The following HNF4A variants were observed in gnomAD, a reference collection of about 807,000 sequenced individuals.
The protein encoded by HNF4A is hepatocyte nuclear factor 4 alpha.
A neutral mutation model predicts 52.4 loss-of-function variants in HNF4A; 15 were observed. That is an observed-to-expected ratio of 0.29 (90% confidence interval 0.19 to 0.44). The LOEUF (loss-of-function observed/expected upper bound fraction) is 0.44, where lower values mean the gene tolerates loss of function less well. Ranked by LOEUF, HNF4A falls within the 20% of genes least tolerant of loss-of-function variation. HNF4A has a pLI of 1.00. For missense variants in HNF4A, 479 were observed against 647.2 expected (o/e 0.74, Z 2.82); for synonymous variants, 280 against 264.4 (o/e 1.06, Z -0.57).
intron 1 of HNF4A, chr20:44,402,407 C>A (rs2063422492): frequency 2.7e-6 from 1 of 371,332 alleles, no homozygotes; most frequent in African/African-American, 2.1e-5. Flanking sequence ...TTTGTACCTG[C>A]TGTGTATATA....
In HNF4A at chr20:44,424,470, ACTGTT is replaced by A. The variant is rs1021080022; in HGVS notation, c.1129+219_1129+223del. The A allele has an allele frequency of 4.2e-5, 42 of 994,784 alleles. No individual in the cohort carries two copies. The African/African-American group carries it at 6.5e-4, about 16-fold the overall frequency. 61.6% of individuals were successfully genotyped at this position (994,784 alleles called of 1,614,324 possible). A position where few individuals can be genotyped will look rare whatever the true frequency, so the allele number is the denominator to read the frequency against. On this transcript the variant is annotated intron_variant, in intron 8 of 9. Transcript: ENST00000316099. ...ACCGAGAACCTAGCACGTGCCAGTCACTGTTCTAAGTGCTGGCAATTCAGCAAAGA... is the reference window on the plus strand; with the variant it reads ...ACCGAGAACCTAGCACGTGCCAGTCACTAAGTGCTGGCAATTCAGCAAAGA...
chr20:44,393,184 G>A (rs147869408), intron 1 of HNF4A, among the ~76,000 whole-genome samples: 123 of 152,338 alleles, frequency 8.1e-4, no homozygotes, highest in African/African-American at 2.9e-3. Context: ...CGGGAAGGCC[G>A]CATCTAATTC....
rs553378830 is a variant in HNF4A at position 44,363,303 on chromosome 20, A to G, written c.49+7450A>G. ...CATAGAAAGTGCTATGTGAATTTGA[A>G]CGATTATTATTATTATACCTATAGT... On this transcript the variant is annotated intron_variant, in intron 1 of 9. Transcript: ENST00000316673. 4.6e-5 allele frequency among the ~76,000 whole-genome samples: 7 copies of G among 152,264 alleles called. No individual in the cohort carries two copies. In the East Asian group the frequency reaches 1.4e-3, roughly 29 times the overall value.
intron 1 of HNF4A, chr20:44,391,517 CCGTAT>C (rs778335346): frequency 2.0e-5 from 3 of 152,310 alleles, no homozygotes; most frequent in Non-Finnish European, 2.9e-5. Flanking sequence ...TCATGGAAGG[CCGTAT>C]CGGTGCAGGG....
rs6093976 is a variant in HNF4A at position 44,407,140 on chromosome 20, C to T, written c.291-241C>T. Among the ~76,000 whole-genome samples the T allele has an allele frequency of 0.13, 19,693 of 152,202 alleles. 1,641 individuals are homozygous for T. Among genetic ancestry groups the T allele is most frequent in the Middle Eastern group, 0.26 (76 of 294 alleles). ...TCAGCTCTAACACCAACCAGCAGAG[C>T]GACCCAGGACCACATGTTGCCTCTC... On this transcript the variant is annotated intron_variant, in intron 2 of 9. Transcript: ENST00000316099.
At chr20:44,426,420 G>C (rs1006402816) in intron 8 of HNF4A, among the ~76,000 whole-genome samples, 10 of 152,104 alleles carry the variant, frequency 6.6e-5, no homozygotes, top group Non-Finnish European at 1.2e-4. Flanking sequence ...GAAATGGTTT[G>C]ACTATGAAGG....
Position 44,426,950 on chromosome 20 carries a change from T to C in HNF4A, c.1130-1385T>C, listed in dbSNP as rs144666781. On this transcript the variant is annotated intron_variant, in intron 8 of 9. Coordinates refer to ENST00000316099, the MANE Select transcript of HNF4A (RefSeq NM_000457.6). ...ATGAGGTGAAGTCAAAGTGGGGATG[T>C]TGAATTCGAGATTTTGGAGGTGTTT... Among the ~76,000 whole-genome samples the C allele has an allele frequency of 2.2e-4, 33 of 152,330 alleles. No individual in the cohort carries two copies. In the East Asian group the frequency reaches 6.2e-3, roughly 28 times the overall value.
chr20:44,429,458 T>A, intron 9 of HNF4A, 65 bp from the exon 10 acceptor site: 1 of 1,605,786 alleles, frequency 6.2e-7, no homozygotes, highest in Non-Finnish European at 8.5e-7. Flanking sequence ...TTCCCGGGCC[T>A]CTTCATTTAC....
At chr20:44,391,467 C>G (rs2063301339) in intron 1 of HNF4A, 1 of 152,472 alleles carries the variant, frequency 6.6e-6, no homozygotes. Flanking sequence ...GCCTGCATGG[C>G]AGAGATGTAA....
chr20:44,371,117 C>G (rs1305254596), intron 1 of HNF4A, among the ~76,000 whole-genome samples: 1 of 152,200 alleles, frequency 6.6e-6, no homozygotes, highest in Non-Finnish European at 1.5e-5. Flanking sequence ...CCAGGCAAAC[C>G]CAGCTGCCTG....
chr20:44,390,808 A>G (rs2063293742), intron 1 of HNF4A: 1 of 622,948 alleles, frequency 1.6e-6, no homozygotes, highest in Middle Eastern at 2.7e-4. Context: ...CTAACCCAGG[A>G]ACGTCCATGG....
intron 1 of HNF4A, among the ~76,000 whole-genome samples, chr20:44,369,795 C>T (rs2063012989): frequency 6.6e-6 from 1 of 151,954 alleles, no homozygotes; most frequent in African/African-American, 2.4e-5. Context: ...TCACCATGCC[C>T]AGCAATTTTT....
At chr20:44,373,582 C>T (rs548394457) in intron 1 of HNF4A, among the ~76,000 whole-genome samples, 9 of 152,182 alleles carry the variant, frequency 5.9e-5, no homozygotes, top group Non-Finnish European at 1.0e-4. Flanking sequence ...GAAATAAAAC[C>T]AAACCCCTAA....
chr20:44,399,459 A>G (rs1032995596), upstream of HNF4A, among the ~76,000 whole-genome samples: 3 of 152,102 alleles, frequency 2.0e-5, no homozygotes, highest in African/African-American at 7.2e-5. Flanking sequence ...CCTACAGGCA[A>G]TAGCACTCCC....
chr20:44,391,809 T>C (rs558846497), intron 1 of HNF4A, among the ~76,000 whole-genome samples: 237 of 152,312 alleles, frequency 1.6e-3, no homozygotes, highest in African/African-American at 5.2e-3. Flanking sequence ...CCTTGGCAGA[T>C]ACATCTGTAA....
Position 44,428,330 on chromosome 20 carries a change from T to C in HNF4A, c.1130-5T>C. On this transcript the variant is annotated splice_polypyrimidine_tract_variant and splice_region_variant and intron_variant, in intron 8 of 9. Transcript: ENST00000316099. ...TCCATCCTGATCGACCTTCTCTACC[T>C]GCAGGGTCCCCCAGCGATGCACCCC... 1 of 1,613,974 alleles carries C rather than the reference T, an allele frequency of 6.2e-7. No homozygotes were observed. Among genetic ancestry groups the C allele is most frequent in the South Asian group, 1.1e-5 (1 of 91,078 alleles).
chr20:44,385,059 C>CTTTTTTTTTTTTTTT lies in HNF4A; in HGVS notation c.50-20985_50-20971dup, dbSNP rs775721024. Among the ~76,000 whole-genome samples the CTTTTTTTTTTTTTTT allele has an allele frequency of 6.8e-3, 238 of 34,976 alleles. 61 individuals are homozygous for CTTTTTTTTTTTTTTT. Among genetic ancestry groups the CTTTTTTTTTTTTTTT allele is most frequent in the African/African-American group, 0.018 (137 of 7,648 alleles). 22.9% of individuals were successfully genotyped at this position (34,976 alleles called of 152,430 possible). A position where few individuals can be genotyped will look rare whatever the true frequency, so the allele number is the denominator to read the frequency against. Reference sequence around the variant, plus strand: ...AGTGGTTTCAGCTGAACTCTGTGATCTTTTTTTTTTTTTTTTTTTTTTTTT... The same window carrying CTTTTTTTTTTTTTTT: ...AGTGGTTTCAGCTGAACTCTGTGATCTTTTTTTTTTTTTTTTTTTTTTTTTTTTTTTTTTTTTTTT... On this transcript the variant is annotated intron_variant, in intron 1 of 9. Transcript: ENST00000316673.
In HNF4A at chr20:44,429,635, G is replaced by A. The variant is rs750605792; in HGVS notation, c.1395G>A (p.Gln465=). The stretch of plus-strand genomic sequence containing the variant: ...TCAAGCCCCTCTCTGCCATCCCCCA[G>A]CCGACCATCACCAAGCAGGAAGTTA... The change falls in exon 10 of 10, where the codon CAG becomes CAA. Residue 465 remains glutamine (Q), a synonymous_variant. Coordinates refer to ENST00000316099, the MANE Select transcript of HNF4A (RefSeq NM_000457.6). 5 of 1,613,922 alleles carry A rather than the reference G, an allele frequency of 3.1e-6. No homozygotes were observed. In the Middle Eastern group the frequency reaches 4.9e-4, roughly 160 times the overall value.
chr20:44,398,142 A>G (rs1460922343), upstream of HNF4A, among the ~76,000 whole-genome samples: 1 of 152,212 alleles, frequency 6.6e-6, no homozygotes, highest in Non-Finnish European at 1.5e-5. Context: ...GGGGCATGGG[A>G]TCATTGCGTT....
Sources: gnomAD v4.1 joint callset for allele counts (sites outside exome capture counted in the v4.1 genomes callset) on GRCh38, gnomAD v4.1.1 for gene constraint, MANE v1.5 for transcripts, NCBI Gene and HGNC (gene_info 2026-07-23, HGNC 2026-07-21) for gene names.